TMEM132B: variants seen among roughly 807,000 people sequenced by gnomAD.
TMEM132B encodes the protein transmembrane protein 132B.
TMEM132B carries 18 observed loss-of-function variants against 90.8 expected under a neutral mutation model. That is an observed-to-expected ratio of 0.20 (90% CI 0.14 to 0.29). TMEM132B has a LOEUF of 0.29. Ranked by LOEUF, TMEM132B falls within the 10% of genes least tolerant of loss-of-function variation. The pLI, the probability that TMEM132B is intolerant of heterozygous loss-of-function variation, is 1.00. For missense variants in TMEM132B, 1,096 were observed against 1,326.8 expected, an observed-to-expected ratio of 0.83 and a Z score of 2.70; for synonymous variants, 504 against 523.3, an observed-to-expected ratio of 0.96 and a Z score of 0.50.
intron 5 of TMEM132B, among the ~76,000 whole-genome samples, chr12:125,615,484 C>T (rs1885964601): frequency 6.6e-6 from 1 of 152,082 alleles, no homozygotes; most frequent in Admixed American, 6.6e-5. Flanking sequence ...CTTCTTCCAC[C>T]TCAAATCTAT....
chr12:125,653,503 TTA>T (rs1388908980), intron 8 of TMEM132B, 60 bp from the exon 9 acceptor site: 20 of 1,499,242 alleles, frequency 1.3e-5, no homozygotes, highest in Non-Finnish European at 9.0e-6. Flanking sequence ...GAAATTATAC[TTA>T]TGTTTTCAAA....
intron 1 of TMEM132B, among the ~76,000 whole-genome samples, chr12:125,233,425 C>A (rs757347424): frequency 9.2e-5 from 14 of 152,206 alleles, no homozygotes; most frequent in Non-Finnish European, 1.8e-4. Flanking sequence ...ACCTTCCAGG[C>A]AGGCCCTGGA....
At chr12:125,316,284 C>T (rs1876270307) in intron 1 of TMEM132B, among the ~76,000 whole-genome samples, 1 of 152,168 alleles carries the variant, frequency 6.6e-6, no homozygotes, top group African/African-American at 2.4e-5. Context: ...TTCAGAGCTG[C>T]CTGGCTTGAG....
intron 1 of TMEM132B, among the ~76,000 whole-genome samples, chr12:125,348,030 C>T (rs1877418212): frequency 6.6e-6 from 1 of 152,154 alleles, no homozygotes; most frequent in Admixed American, 6.5e-5. Flanking sequence ...TAAATATATA[C>T]ATTTACATAT....
chr12:125,363,058 C>T (rs546879307), intron 2 of TMEM132B, among the ~76,000 whole-genome samples: 3 of 152,240 alleles, frequency 2.0e-5, no homozygotes, highest in Admixed American at 6.5e-5. Context: ...TTGCCTGCCA[C>T]GTTGAACACA....
chr12:125,647,970 GTA>G (rs1388005261), intron 6 of TMEM132B, among the ~76,000 whole-genome samples: 2 of 142,186 alleles, frequency 1.4e-5, no homozygotes, highest in African/African-American at 5.3e-5. Flanking sequence ...AGTTACATAT[GTA>G]TACATGTGCC....
intron 1 of TMEM132B, among the ~76,000 whole-genome samples, chr12:125,190,658 A>G (rs1177442540): frequency 1.6e-4 from 3 of 18,474 alleles, no homozygotes; most frequent in Non-Finnish European, 3.0e-4. Context: ...GGCGATGGTG[A>G]TGGGGAAGGG....
rs2136064316 is a variant in TMEM132B at position 125,209,352 on chromosome 12, T to G, written c.67+22486T>G. On this transcript the variant is annotated intron_variant, in intron 1 of 8. Transcript: ENST00000682704. The surrounding 1 kb of genome is among the most constrained non-coding windows in gnomAD (Gnocchi z 4.4). ...AGGGGATGGTGCAGTGGGCTTGCTGTGTACCTTTGTCCCAGCCTGGGACAG... is the reference window on the plus strand; with the variant it reads ...AGGGGATGGTGCAGTGGGCTTGCTGGGTACCTTTGTCCCAGCCTGGGACAG... Among the ~76,000 whole-genome samples, 1 of 152,284 alleles carries G rather than the reference T, an allele frequency of 6.6e-6. No homozygotes were observed. The highest frequency in any genetic ancestry group is 2.1e-4 in the South Asian group (1 of 4,830).
At chr12:125,212,055 T>G (rs2136066375) in intron 1 of TMEM132B, among the ~76,000 whole-genome samples, 2 of 152,338 alleles carry the variant, frequency 1.3e-5, no homozygotes, top group South Asian at 4.1e-4. Context: ...CATGGCAGCC[T>G]TCTGCCATAG....
intron 4 of TMEM132B, among the ~76,000 whole-genome samples, chr12:125,573,140 C>T (rs560511938): frequency 6.6e-6 from 1 of 152,174 alleles, no homozygotes; most frequent in East Asian, 1.9e-4. Context: ...TTTTAGAGCT[C>T]CATTCTGGGT....
At chr12:125,439,978 T>C (rs1416398921) in intron 3 of TMEM132B, among the ~76,000 whole-genome samples, 2 of 152,222 alleles carry the variant, frequency 1.3e-5, no homozygotes, top group African/African-American at 4.8e-5. Context: ...ATTTATTGAT[T>C]TGTGTATGTT....
chr12:125,263,636 T>C (rs1401366945), intron 1 of TMEM132B, among the ~76,000 whole-genome samples: 1 of 152,184 alleles, frequency 6.6e-6, no homozygotes, highest in East Asian at 1.9e-4. Context: ...CAAGAATGAA[T>C]GAAGTGTTTC....
chr12:125,641,995 AT>A (rs1886642779), intron 5 of TMEM132B, among the ~76,000 whole-genome samples: 1 of 152,092 alleles, frequency 6.6e-6, no homozygotes, highest in African/African-American at 2.4e-5. Context: ...GGGGGCCTCA[AT>A]CTCTTTTTTT....
chr12:125,385,976 G>T (rs1038034573), intron 2 of TMEM132B, among the ~76,000 whole-genome samples: 1 of 152,144 alleles, frequency 6.6e-6, no homozygotes, highest in Non-Finnish European at 1.5e-5. Context: ...AAGTAATGAA[G>T]TGCTTGTTTG....
intron 4 of TMEM132B, among the ~76,000 whole-genome samples, chr12:125,537,296 A>G (rs1391341860): frequency 6.6e-6 from 1 of 152,238 alleles, no homozygotes; most frequent in African/African-American, 2.4e-5. Flanking sequence ...CATTAAAAAC[A>G]TTTCCCATAA....
At chr12:125,562,335 A>G (rs1457143363) in intron 4 of TMEM132B, among the ~76,000 whole-genome samples, 1 of 152,242 alleles carries the variant, frequency 6.6e-6, no homozygotes, top group Non-Finnish European at 1.5e-5. Context: ...TTTTCTCCAC[A>G]TAAGAGAATA....
At chr12:125,330,686 TTC>T (rs1202977290) in intron 1 of TMEM132B, among the ~76,000 whole-genome samples, 1 of 152,196 alleles carries the variant, frequency 6.6e-6, no homozygotes, top group Non-Finnish European at 1.5e-5. Flanking sequence ...GTGCAAATGT[TTC>T]TACCTAGTGT....
At position 125,488,321 on chromosome 12, in the gene TMEM132B, C is replaced by A. The variant is rs181848096; in HGVS notation, c.1107-31118C>A. Among the ~76,000 whole-genome samples, 151 of 152,254 alleles carry A rather than the reference C, an allele frequency of 9.9e-4. 2 individuals carry two copies. The South Asian group carries it at 0.016, about 16-fold the overall frequency. On this transcript the variant is annotated intron_variant, in intron 3 of 8. Transcript: ENST00000682704. ...CTATAAATCAGTTTTTGATACAAAT[C>A]ACCCTAAAATGAAGTTTTCTAAGAT...
chr12:125,544,538 G>A (rs1427127926), intron 4 of TMEM132B, among the ~76,000 whole-genome samples: 1 of 152,134 alleles, frequency 6.6e-6, no homozygotes, highest in Admixed American at 6.5e-5. Flanking sequence ...CTTCCTCCAA[G>A]AGATACTAAT....
Sources: allele counts gnomAD v4.1 joint callset (sites outside exome capture counted in the v4.1 genomes callset), GRCh38; gene constraint gnomAD v4.1.1; non-coding constraint Gnocchi (gnomAD v3.1); transcripts MANE v1.5; gene names NCBI Gene and HGNC (gene_info 2026-07-23, HGNC 2026-07-21).